IL1RAPL1: variants seen among roughly 807,000 people sequenced by gnomAD.
IL1RAPL1 encodes interleukin 1 receptor accessory protein like 1, also known as interleukin-1 receptor accessory protein-like 1.
Under a neutral mutation model 48.4 loss-of-function variants are expected in IL1RAPL1, and 3 were observed. That is an observed-to-expected ratio of 0.06 (90% CI 0.03 to 0.16). IL1RAPL1 has a LOEUF of 0.16. Ranked by LOEUF, IL1RAPL1 falls within the 10% of genes least tolerant of loss-of-function variation. The pLI, the probability that IL1RAPL1 is intolerant of heterozygous loss-of-function variation, is 1.00. For synonymous variants in IL1RAPL1, 185 were observed against 187.7 expected (o/e 0.99, Z 0.12); for missense variants, 349 against 530.6 (o/e 0.66, Z 3.36).
chrX:29,739,594 G>A (rs991296405), intron 6 of IL1RAPL1, among the ~76,000 whole-genome samples: 2 of 111,617 alleles, frequency 1.8e-5, no homozygotes, highest in African/African-American at 6.5e-5. Context: ...ATATTTAATT[G>A]TTAAAATAAC....
chrX:28,646,152 G>A (rs62591360), intron 1 of IL1RAPL1, among the ~76,000 whole-genome samples: 2 of 111,922 alleles, frequency 1.8e-5, no homozygotes, highest in Non-Finnish European at 3.8e-5. Context: ...GTGATTTAAG[G>A]ATTAAACCGT....
chrX:29,599,111 T>C (rs1217900975), intron 5 of IL1RAPL1, among the ~76,000 whole-genome samples: 2 of 112,083 alleles, frequency 1.8e-5, no homozygotes, highest in African/African-American at 6.5e-5. Flanking sequence ...TTCTTTTCAT[T>C]GTGTTATTGT....
chrX:28,833,499 A>G (rs763512400), intron 2 of IL1RAPL1, among the ~76,000 whole-genome samples: 4 of 111,750 alleles, frequency 3.6e-5, no homozygotes, highest in African/African-American at 1.3e-4. Context: ...CTTTCTTGAC[A>G]TTTTAATAAT....
At chrX:29,559,567 C>G (rs1408371119) in intron 5 of IL1RAPL1, among the ~76,000 whole-genome samples, 1 of 111,284 alleles carries the variant, frequency 9.0e-6, no homozygotes, top group Non-Finnish European at 1.9e-5. Context: ...AGGCTATATG[C>G]TTTTAGGAAT....
At chrX:29,500,612 G>A (rs1280168026) in intron 5 of IL1RAPL1, among the ~76,000 whole-genome samples, 1 of 111,622 alleles carries the variant, frequency 9.0e-6, no homozygotes, top group African/African-American at 3.3e-5. Flanking sequence ...TATTTTTTAT[G>A]GCGGAATAAT....
chrX:28,603,534 C>A (rs749283949), intron 1 of IL1RAPL1, among the ~76,000 whole-genome samples: 19 of 111,894 alleles, frequency 1.7e-4, no homozygotes, highest in Non-Finnish European at 3.4e-4. Flanking sequence ...AAATGTATTT[C>A]TTTGTGTCTT....
At chrX:28,941,181 C>T (rs1432818207) in intron 2 of IL1RAPL1, among the ~76,000 whole-genome samples, 1 of 110,835 alleles carries the variant, frequency 9.0e-6, no homozygotes, top group East Asian at 2.8e-4. Flanking sequence ...GTATGTTGAC[C>T]TTAAAAAGCA....
intron 5 of IL1RAPL1, among the ~76,000 whole-genome samples, chrX:29,602,499 G>A (rs753151435): frequency 4.7e-4 from 53 of 112,268 alleles, no homozygotes; most frequent in East Asian, 8.3e-4. Context: ...TTTTGTTTAT[G>A]TAAATATTGT....
chrX:28,815,839 GTATATATATATA>G (rs61436993), intron 2 of IL1RAPL1, among the ~76,000 whole-genome samples: 949 of 29,101 alleles, frequency 0.033, 42 homozygotes, highest in African/African-American at 0.071. Flanking sequence ...GTGTGTTTAT[GTATATATATATA>G]TATATATATA....
intron 2 of IL1RAPL1, among the ~76,000 whole-genome samples, chrX:29,104,144 T>A (rs1266452654): frequency 2.7e-5 from 3 of 111,908 alleles, no homozygotes; most frequent in Non-Finnish European, 1.9e-5. Flanking sequence ...AGAAAGGAAA[T>A]CAGTGTATTG....
rs1013153726 is a variant in IL1RAPL1, at chrX:29,008,991, G to T, written c.82+219566G>T. Among the ~76,000 whole-genome samples the T allele has an allele frequency of 3.6e-5, 4 of 110,754 alleles. No individual in the cohort carries two copies. In the East Asian group the frequency reaches 1.2e-3, roughly 32 times the overall value. On this transcript the variant is annotated intron_variant, in intron 2 of 10. Coordinates refer to ENST00000378993, the MANE Select transcript of IL1RAPL1 (RefSeq NM_014271.4). ...CCAGCTGCATCCATGTTGCTGCAAT[G>T]GTCATGATTTCATACTACATAGCCA...
chrX:29,576,548 T>G (rs1004267450), intron 5 of IL1RAPL1, among the ~76,000 whole-genome samples: 1 of 111,678 alleles, frequency 9.0e-6, no homozygotes, highest in Non-Finnish European at 1.9e-5. Flanking sequence ...GTAATCCTTA[T>G]GATTATTAAA....
chrX:29,629,395 C>G (rs891803720), intron 5 of IL1RAPL1, among the ~76,000 whole-genome samples: 8 of 110,218 alleles, frequency 7.3e-5, no homozygotes, highest in African/African-American at 2.3e-4. Context: ...CATCAAGACT[C>G]CACTCAAATT....
At chrX:29,282,116 A>ACTGT (rs1169514119) in intron 2 of IL1RAPL1, among the ~76,000 whole-genome samples, 2 of 111,634 alleles carry the variant, frequency 1.8e-5, no homozygotes, top group Non-Finnish European at 3.8e-5. Flanking sequence ...ATCTCCACGT[A>ACTGT]CTGTCATATT....
intron 6 of IL1RAPL1, among the ~76,000 whole-genome samples, chrX:29,871,050 C>A (rs971233286): frequency 1.8e-5 from 2 of 112,218 alleles, no homozygotes; most frequent in Non-Finnish European, 3.8e-5. Context: ...AGGAAGAGTC[C>A]ATTTCCTTGC....
intron 2 of IL1RAPL1, among the ~76,000 whole-genome samples, chrX:29,214,488 T>A (rs1417168347): frequency 9.0e-6 from 1 of 111,606 alleles, no homozygotes; most frequent in Non-Finnish European, 1.9e-5. Flanking sequence ...CATAGGAGTA[T>A]ATTGTAGTGT....
At chrX:28,594,571 G>T (rs1330715455) in intron 1 of IL1RAPL1, among the ~76,000 whole-genome samples, 1 of 111,577 alleles carries the variant, frequency 9.0e-6, no homozygotes, top group African/African-American at 3.3e-5. Flanking sequence ...AAGTTTCCAA[G>T]ATCTTACAAT....
intron 8 of IL1RAPL1, 88 bp downstream of exon 8, chrX:29,920,182 G>A (rs1392487891): frequency 2.0e-5 from 22 of 1,085,293 alleles, no homozygotes; most frequent in Admixed American, 9.0e-5. Context: ...ATTTAGTTTT[G>A]TTTTTCTCCA....
intron 6 of IL1RAPL1, among the ~76,000 whole-genome samples, chrX:29,818,115 T>C (rs774985259): frequency 8.9e-6 from 1 of 111,916 alleles, no homozygotes; most frequent in South Asian, 3.7e-4. Context: ...TATGGATATC[T>C]GGACTTGGGA....
Sources: allele counts gnomAD v4.1 joint callset (sites outside exome capture counted in the v4.1 genomes callset), GRCh38; gene constraint gnomAD v4.1.1; transcripts MANE v1.5; gene names NCBI Gene and HGNC (gene_info 2026-07-23, HGNC 2026-07-21).